The following WWOX variants were observed in gnomAD, a reference collection of about 807,000 sequenced individuals.
The protein encoded by WWOX is WW domain containing oxidoreductase, also known as WW domain-containing oxidoreductase.
Under a neutral mutation model 46.2 loss-of-function variants are expected in WWOX, and 69 were observed. That is an observed-to-expected ratio of 1.49 (90% CI 1.23 to 1.82). WWOX has a LOEUF of 1.82. WWOX is among the 40% of genes most tolerant of loss of function. The pLI is 0.00. For missense variants in WWOX, 919 were observed against 542.6 expected (o/e 1.69, Z -6.89); for synonymous variants, 359 against 202.6 (o/e 1.77, Z -6.56).
intron 8 of WWOX, among the ~76,000 whole-genome samples, chr16:78,823,279 G>A (rs553781683): frequency 3.3e-5 from 5 of 152,312 alleles, no homozygotes; most frequent in South Asian, 4.2e-4. Flanking sequence ...CAGCTGGGGC[G>A]GCTGGCGGGT....
chr16:78,287,191 T>C (rs998915927), intron 5 of WWOX, among the ~76,000 whole-genome samples: 2 of 152,274 alleles, frequency 1.3e-5, no homozygotes, highest in Admixed American at 6.5e-5. Context: ...TTCTCCACTT[T>C]AGTAAATGAG....
intron 8 of WWOX, among the ~76,000 whole-genome samples, chr16:78,654,731 A>C (rs1244176110): frequency 1.3e-5 from 2 of 150,948 alleles, no homozygotes; most frequent in East Asian, 3.9e-4. Context: ...GGGGCCTGTG[A>C]ATTTTTTTAA....
At chr16:78,834,840 G>C (rs914028723) in intron 8 of WWOX, among the ~76,000 whole-genome samples, 2 of 152,130 alleles carry the variant, frequency 1.3e-5, no homozygotes, top group African/African-American at 4.8e-5. Flanking sequence ...TGAAGCTTTA[G>C]TTTTTCATGA....
chr16:78,370,130 C>CAAAAA (rs749015478), intron 5 of WWOX, among the ~76,000 whole-genome samples: 1,806 of 75,760 alleles, frequency 0.024, 80 homozygotes, highest in Non-Finnish European at 0.036. Flanking sequence ...AGACTGTCTC[C>CAAAAA]AAAAAAAAAA....
At chr16:78,625,993 T>C (rs761120110) in intron 8 of WWOX, among the ~76,000 whole-genome samples, 5 of 151,688 alleles carry the variant, frequency 3.3e-5, no homozygotes, top group Non-Finnish European at 7.4e-5. Context: ...CAACCTAATA[T>C]TGTTATTACT....
chr16:78,672,218 C>T (rs537176975), intron 8 of WWOX, among the ~76,000 whole-genome samples: 1 of 152,104 alleles, frequency 6.6e-6, no homozygotes, highest in Admixed American at 6.6e-5. Context: ...TTTCAGGGAG[C>T]TTTAGAATTT....
chr16:79,162,758 T>G (rs903205925), intron 8 of WWOX, among the ~76,000 whole-genome samples: 3 of 152,136 alleles, frequency 2.0e-5, no homozygotes, highest in Non-Finnish European at 4.4e-5. Flanking sequence ...TCCTGCAAAT[T>G]TGCTGCCCTG....
chr16:78,386,623 A>T (rs866886970), intron 5 of WWOX, among the ~76,000 whole-genome samples: 1 of 69,560 alleles, frequency 1.4e-5, no homozygotes, highest in Non-Finnish European at 3.0e-5. Flanking sequence ...AGCACAACCC[A>T]CCCCCCCGCC....
intron 8 of WWOX, among the ~76,000 whole-genome samples, chr16:78,667,919 G>A (rs2047370729): frequency 6.6e-6 from 1 of 151,974 alleles, no homozygotes; most frequent in Admixed American, 6.6e-5. Context: ...TGTGCCCTCT[G>A]CCCCGTCACA....
intron 8 of WWOX, among the ~76,000 whole-genome samples, chr16:79,011,637 G>C (rs8053256): frequency 0.45 from 67,976 of 151,220 alleles, 15,395 homozygotes; most frequent in East Asian, 0.57. Flanking sequence ...GGACTACTGT[G>C]ATGTGCCACC....
intron 8 of WWOX, among the ~76,000 whole-genome samples, chr16:78,862,397 A>G (rs559170887): frequency 2.8e-4 from 43 of 151,592 alleles, no homozygotes; most frequent in African/African-American, 8.9e-4. Flanking sequence ...TACACACTAT[A>G]GTGTATGTAC....
chr16:78,493,177 C>T (rs1426834728), intron 8 of WWOX, among the ~76,000 whole-genome samples: 1 of 152,184 alleles, frequency 6.6e-6, no homozygotes, highest in East Asian at 1.9e-4. Flanking sequence ...ATGTCAGTTA[C>T]TTAATGGAAT....
At chr16:79,163,624 C>T (rs557646520) in intron 8 of WWOX, among the ~76,000 whole-genome samples, 5 of 152,102 alleles carry the variant, frequency 3.3e-5, no homozygotes, top group Middle Eastern at 3.4e-3. Flanking sequence ...AATGGAGAAA[C>T]GCCATCTCTA....
At chr16:78,743,151 G>A (rs577336445) in intron 8 of WWOX, among the ~76,000 whole-genome samples, 41 of 152,162 alleles carry the variant, frequency 2.7e-4, no homozygotes, top group African/African-American at 7.9e-4. Context: ...TGCTGCAGCC[G>A]TTATTGATAT....
At chr16:79,063,098 C>T (rs932164935) in intron 8 of WWOX, among the ~76,000 whole-genome samples, 1 of 152,180 alleles carries the variant, frequency 6.6e-6, no homozygotes, top group African/African-American at 2.4e-5. Context: ...CCAAATCTCC[C>T]ACCAAATCTG....
intron 8 of WWOX, among the ~76,000 whole-genome samples, chr16:78,797,443 C>A (rs775629132): frequency 5.3e-5 from 8 of 150,688 alleles, no homozygotes; most frequent in Non-Finnish European, 1.2e-4. Context: ...TCCCCAAATG[C>A]CTAAAGTAGA....
At chr16:78,278,699 T>C in intron 5 of WWOX, 2 of 1,554,074 alleles carry the variant, frequency 1.3e-6, no homozygotes, top group Non-Finnish European at 1.8e-6. Context: ...GTCTCATCAA[T>C]TACATCTTCT....
intron 8 of WWOX, among the ~76,000 whole-genome samples, chr16:78,986,955 C>T (rs546436460): frequency 2.6e-4 from 40 of 152,126 alleles, no homozygotes; most frequent in African/African-American, 9.4e-4. Flanking sequence ...AAAAGTCCCA[C>T]CAAGAGCATG....
intron 8 of WWOX, among the ~76,000 whole-genome samples, chr16:78,736,626 C>T (rs191056755): frequency 2.0e-5 from 3 of 151,742 alleles, no homozygotes; most frequent in African/African-American, 7.3e-5. Context: ...GAGATAGGAT[C>T]TGTCTCTTTC....
Sources: gnomAD v4.1 joint callset for allele counts (sites outside exome capture counted in the v4.1 genomes callset) on GRCh38, gnomAD v4.1.1 for gene constraint, MANE v1.5 for transcripts, NCBI Gene and HGNC (gene_info 2026-07-23, HGNC 2026-07-21) for gene names.